Variants in GPR65 observed in about 807,000 individuals in gnomAD.
The protein encoded by GPR65 is G protein-coupled receptor 65.
A neutral mutation model predicts 0.7 loss-of-function variants in GPR65; 2 were observed. That is an observed-to-expected ratio of 2.83 (90% CI 1.16 to 8.92). The LOEUF is 8.92. Among genes scored for constraint, GPR65 ranks in the 30% most tolerant of loss-of-function variants. The pLI is 0.04. For missense variants in GPR65, 379 were observed against 399.4 expected (o/e 0.95, Z 0.43); for synonymous variants, 128 against 146.5 (o/e 0.87, Z 0.91).
In GPR65 at chr14:88,006,807, C is replaced by T. The variant is rs76323094; in HGVS notation, c.-460+1585C>T. Among the ~76,000 whole-genome samples the T allele has an allele frequency of 1.3e-4, 20 of 152,148 alleles. No individual in the cohort carries two copies. In the East Asian group the frequency reaches 2.5e-3, roughly 19 times the overall value. On this transcript the variant is annotated intron_variant, in intron 1 of 1. Transcript: ENST00000267549. Reference sequence around the variant, plus strand: ...TGTGTGTGCATCAGAGTCCCATCCGCGGGGGCTGATTCAATCTTCCTGCAT... The same window carrying T: ...TGTGTGTGCATCAGAGTCCCATCCGTGGGGGCTGATTCAATCTTCCTGCAT...
In GPR65 at chr14:88,005,230, T is replaced by A. The variant is rs1887576164; in HGVS notation, c.-460+8T>A. ...TCACCGGAAGAAATATGGGTAAGTATAAGATTAAAAAATAAAATAATATTT... is the reference window on the plus strand; with the variant it reads ...TCACCGGAAGAAATATGGGTAAGTAAAAGATTAAAAAATAAAATAATATTT... On this transcript the variant is annotated splice_region_variant and intron_variant, in intron 1 of 1. Coordinates refer to ENST00000267549, the MANE Select transcript of GPR65 (RefSeq NM_003608.4). 6.6e-6 allele frequency: 1 copy of A among 152,144 alleles called. No homozygotes were observed. Among genetic ancestry groups the A allele is most frequent in the Non-Finnish European group, 1.5e-5 (1 of 68,018 alleles). 9.4% of individuals were successfully genotyped at this position (152,144 alleles called of 1,614,324 possible).
chr14:88,013,701 T>G lies in GPR65; in HGVS notation c.*1840T>G. 1 of 152,080 alleles carries G rather than the reference T, an allele frequency of 6.6e-6. No homozygotes were observed. Among genetic ancestry groups the G allele is most frequent in the East Asian group, 1.9e-4 (1 of 5,172 alleles). The allele number at this position is 152,080 out of a possible 1,614,324, so 9.4% of individuals were successfully genotyped here. On this transcript the variant is annotated 3_prime_UTR_variant, in exon 2 of 2. Transcript: ENST00000267549. ...GACCAATATGATGAAACTCTGTCTC[T>G]ACTAAAAATTCAAAAATGTGCCAGA...
intron 1 of GPR65, among the ~76,000 whole-genome samples, chr14:88,008,717 T>C (rs1223736204): frequency 6.6e-6 from 1 of 152,218 alleles, no homozygotes; most frequent in Non-Finnish European, 1.5e-5. Context: ...AGTGTTTTTT[T>C]ACTCAACAGC....
chr14:88,009,729 A>T (rs1887645847), intron 1 of GPR65, among the ~76,000 whole-genome samples: 1 of 152,186 alleles, frequency 6.6e-6, no homozygotes, highest in Non-Finnish European at 1.5e-5. Flanking sequence ...CATCAGATAT[A>T]AAGGTGGAAA....
rs1887737200 is a variant in GPR65 at position 88,014,612 on chromosome 14, C to T, written c.*2751C>T. 6.6e-6 allele frequency: 1 copy of T among 152,070 alleles called. No homozygotes were observed. The highest frequency in any genetic ancestry group is 1.5e-5 in the Non-Finnish European group (1 of 68,004). 9.4% of individuals were successfully genotyped at this position (152,070 alleles called of 1,614,324 possible). On this transcript the variant is annotated 3_prime_UTR_variant, in exon 2 of 2. Transcript: ENST00000267549. Reference sequence around the variant, plus strand: ...TTCTTTTGCCTATAATTTTCTGAAGCTCTTTATGATGCACCGGTGCATTTT... The same window carrying T: ...TTCTTTTGCCTATAATTTTCTGAAGTTCTTTATGATGCACCGGTGCATTTT...
In GPR65 at chr14:88,010,957, G is replaced by A. The variant is rs776921083; in HGVS notation, c.110G>A (p.Cys37Tyr). ...ATTCCAGCCAATATTGGATCTCTGTGTGTGTCTTTCCTGCAAGCAAAGAAG... is the reference window on the plus strand; with the variant it reads ...ATTCCAGCCAATATTGGATCTCTGTATGTGTCTTTCCTGCAAGCAAAGAAG... ...VSIPANIGSL[C>Y]VSFLQAKKES... Residue 37 changes from cysteine (C) to tyrosine (Y), a missense_variant, in exon 2 of 2, where the codon TGT becomes TAT. By Grantham distance (194) the Cys-to-Tyr change is radical. Coordinates refer to ENST00000267549, the MANE Select transcript of GPR65 (RefSeq NM_003608.4). 6.2e-7 allele frequency: 1 copy of A among 1,612,974 alleles called. No individual in the cohort carries two copies. Among genetic ancestry groups the A allele is most frequent in the Admixed American group, 1.7e-5 (1 of 60,008 alleles).
At position 88,012,092 on chromosome 14, in the gene GPR65, C is replaced by T. The variant is rs1163714816; in HGVS notation, c.*231C>T. ...CAATATTTTCTTAATGACTCAGGGT[C>T]TTTATTGTTAATGCCAATTGTTTTT... is the stretch of plus-strand genomic sequence containing the variant. On this transcript the variant is annotated 3_prime_UTR_variant, in exon 2 of 2. Coordinates refer to ENST00000267549, the MANE Select transcript of GPR65 (RefSeq NM_003608.4). 7 of 365,936 alleles carry T rather than the reference C, an allele frequency of 1.9e-5. No individual in the cohort carries two copies. Among genetic ancestry groups the T allele is most frequent in the South Asian group, 1.8e-4 (3 of 16,636 alleles). 22.7% of individuals were successfully genotyped at this position (365,936 alleles called of 1,614,324 possible).
chr14:88,008,183 T>A (rs966798815), intron 1 of GPR65, among the ~76,000 whole-genome samples: 3 of 152,184 alleles, frequency 2.0e-5, no homozygotes, highest in East Asian at 3.8e-4. Flanking sequence ...ACAATACACA[T>A]GCAGCAAAAT....
In GPR65 at chr14:88,011,493, A is replaced by G. The variant is rs769911654; in HGVS notation, c.646A>G (p.Thr216Ala). Residue 216 changes from threonine (T) to alanine (A), a missense_variant, in exon 2 of 2, where the codon ACG becomes GCG. Coordinates refer to ENST00000267549, the MANE Select transcript of GPR65 (RefSeq NM_003608.4). ...VYQAVRHNKA[T>A]ENKEKKRIIK... ...CCAAGCTGTGCGGCACAATAAAGCC[A>G]CGGAAAACAAGGAAAAGAAGAGAAT... 5.0e-5 allele frequency: 81 copies of G among 1,614,012 alleles called. 1 individual carries two copies. The South Asian group carries it at 8.8e-4, about 18-fold the overall frequency.
Position 88,011,127 on chromosome 14 carries a change from A to T in GPR65, c.280A>T (p.Met94Leu), listed in dbSNP as rs931847819. The stretch of plus-strand genomic sequence containing the variant: ...CTTGTGCAAAGGGAGTGCTTTTCTC[A>T]TGTACATGAATTTTTACAGCAGCAC... ...PALCKGSAFL[M>L]YMNFYSSTAF... is the part of the protein sequence containing the mutation. The change falls in exon 2 of 2, where the codon ATG becomes TTG. Residue 94 changes from methionine to leucine, a missense_variant. Physicochemically the swap from Met to Leu is conservative, Grantham distance 15 (BLOSUM62 2). Coordinates refer to ENST00000267549, the MANE Select transcript of GPR65 (RefSeq NM_003608.4). The T allele has an allele frequency of 3.1e-6, 5 of 1,613,978 alleles. No homozygotes were observed. Among genetic ancestry groups the T allele is most frequent in the Non-Finnish European group, 4.2e-6 (5 of 1,179,938 alleles).
intron 1 of GPR65, among the ~76,000 whole-genome samples, chr14:88,008,299 C>T (rs1887626570): frequency 6.6e-6 from 1 of 152,166 alleles, no homozygotes; most frequent in African/African-American, 2.4e-5. Flanking sequence ...CTCAGAAGTC[C>T]TCCTCATGCC....
rs1344941067 is a variant in GPR65, at chr14:88,011,776, G to A, written c.929G>A (p.Gly310Glu). Reference protein sequence around the residue: ...DMWNILKFCTGRCNTSQRQRK... With the variant: ...DMWNILKFCTERCNTSQRQRK... ...TGGAATATATTAAAATTCTGCACTG[G>A]GAGGTGTAATACATCACAAAGACAA... Residue 310 changes from glycine (G) to glutamate (E), a missense_variant, in exon 2 of 2, where the codon GGG (glycine) becomes GAG (glutamate). Physicochemically the swap from Gly to Glu is moderately conservative, Grantham distance 98. Coordinates refer to ENST00000267549, the MANE Select transcript of GPR65 (RefSeq NM_003608.4). 1 of 1,611,560 alleles carries A rather than the reference G, an allele frequency of 6.2e-7. No individual in the cohort carries two copies. Among genetic ancestry groups the A allele is most frequent in the East Asian group, 2.2e-5 (1 of 44,844 alleles).
rs1264199301 is a variant in GPR65 at position 88,013,958 on chromosome 14, C to T, written c.*2097C>T. 6.6e-6 allele frequency: 1 copy of T among 152,120 alleles called. No homozygotes were observed. The highest frequency in any genetic ancestry group is 2.4e-5 in the African/African-American group (1 of 41,398). 9.4% of individuals were successfully genotyped at this position (152,120 alleles called of 1,614,324 possible). On this transcript the variant is annotated 3_prime_UTR_variant, in exon 2 of 2. Coordinates refer to ENST00000267549, the MANE Select transcript of GPR65 (RefSeq NM_003608.4). ...GGTGACGATCGTGTTCTGTACGGGA[C>T]CTCTTATTAATAGTTCACCACTAGC...
Position 88,010,962 on chromosome 14 carries a change from T to G in GPR65, c.115T>G (p.Ser39Ala), listed in dbSNP as rs983718463. 3 of 1,613,106 alleles carry G rather than the reference T, an allele frequency of 1.9e-6. No homozygotes were observed. The African/African-American group carries it at 4.0e-5, about 22-fold the overall frequency. ...AGCCAATATTGGATCTCTGTGTGTG[T>G]CTTTCCTGCAAGCAAAGAAGGAAAG... ...IPANIGSLCV[S>A]FLQAKKESEL... The change falls in exon 2 of 2, where the codon TCT becomes GCT. Residue 39 changes from serine to alanine, a missense_variant. Coordinates refer to ENST00000267549, the MANE Select transcript of GPR65 (RefSeq NM_003608.4).
chr14:88,008,419 C>CT (rs371104681), intron 1 of GPR65, among the ~76,000 whole-genome samples: 16 of 151,494 alleles, frequency 1.1e-4, no homozygotes, highest in Admixed American at 7.2e-4. Context: ...TCTTTTGTGT[C>CT]TTTTTTTTTA....
chr14:88,012,034 C>A lies in GPR65; in HGVS notation c.*173C>A. On this transcript the variant is annotated 3_prime_UTR_variant, in exon 2 of 2. Transcript: ENST00000267549. ...ACTGCATTGTACAGCTCCCTCCCTGCGTTTTATTAAATGATGTATATTAAA... is the reference window on the plus strand; with the variant it reads ...ACTGCATTGTACAGCTCCCTCCCTGAGTTTTATTAAATGATGTATATTAAA... The A allele has an allele frequency of 2.0e-6, 1 of 506,310 alleles. No homozygotes were observed. Among genetic ancestry groups the A allele is most frequent in the Non-Finnish European group, 3.6e-6 (1 of 280,752 alleles). The allele number at this position is 506,310 out of a possible 1,614,324, so 31.4% of individuals were successfully genotyped here.
In GPR65 at chr14:88,013,064, T is replaced by C. The variant is rs982404903; in HGVS notation, c.*1203T>C. On this transcript the variant is annotated 3_prime_UTR_variant, in exon 2 of 2. Transcript: ENST00000267549. ...TGAGAGTTCTTTTTTTTTTTTTTTT[T>C]GAGTCAGAGTCTTGCTCTGTAATCC... 2.3e-5 allele frequency: 3 copies of C among 132,108 alleles called. No individual in the cohort carries two copies. Among genetic ancestry groups the C allele is most frequent in the African/African-American group, 9.1e-5 (3 of 33,114 alleles). 8.2% of individuals were successfully genotyped at this position (132,108 alleles called of 1,614,324 possible). A position where few individuals can be genotyped will look rare whatever the true frequency, so the allele number is the denominator to read the frequency against.
Position 88,008,184 on chromosome 14 carries a change from G to A in GPR65, c.-459-2205G>A, listed in dbSNP as rs190931992. The stretch of plus-strand genomic sequence containing the variant: ...GTTTCCATTGCAATACAATACACAT[G>A]CAGCAAAATGCACATATCCTAAGTG... On this transcript the variant is annotated intron_variant, in intron 1 of 1. Transcript: ENST00000267549. Among the ~76,000 whole-genome samples the A allele has an allele frequency of 4.9e-4, 74 of 152,178 alleles. 1 individual carries two copies. The highest frequency in any genetic ancestry group is 6.8e-3 in the Middle Eastern group (2 of 294).
rs772662213 is a variant in GPR65, at chr14:88,011,413, G to A, written c.566G>A (p.Cys189Tyr). Residue 189 changes from cysteine (C) to tyrosine (Y), a missense_variant, in exon 2 of 2, where the codon TGT (cysteine) becomes TAT (tyrosine). Cys to Tyr is a radical substitution (Grantham distance 194). Transcript: ENST00000267549. ...ATCAACCTCAACTTGTTCAGGACGT[G>A]TACAGGCTATGCAATACCTTTGGTC... ...WQINLNLFRT[C>Y]TGYAIPLVTI... is the part of the protein sequence containing the mutation. The A allele has an allele frequency of 6.2e-6, 10 of 1,613,848 alleles. No homozygotes were observed. Among genetic ancestry groups the A allele is most frequent in the African/African-American group, 1.3e-5 (1 of 74,878 alleles).
Sources: allele counts gnomAD v4.1 joint callset (sites outside exome capture counted in the v4.1 genomes callset), GRCh38; gene constraint gnomAD v4.1.1; transcripts MANE v1.5; gene names NCBI Gene and HGNC (gene_info 2026-07-23, HGNC 2026-07-21).